Variants in CDH19 observed in about 807,000 individuals in gnomAD.
The protein encoded by CDH19 is cadherin 19.
Under a neutral mutation model 64.2 loss-of-function variants are expected in CDH19, and 67 were observed. The ratio of observed to expected loss-of-function variants is 1.04; its 90% confidence interval spans 0.86 to 1.28. CDH19 has a LOEUF of 1.28. CDH19 is among the 50% of genes most tolerant of loss of function. The pLI, the probability that CDH19 is intolerant of heterozygous loss-of-function variation, is 0.00. For synonymous variants in CDH19, 346 were observed against 319.3 expected (o/e 1.08, Z -0.89); for missense variants, 1,030 against 929.0 (o/e 1.11, Z -1.41).
rs1481699362 is a variant in CDH19, at chr18:66,502,696, G to C, written c.*2116C>G. On this transcript the variant is annotated 3_prime_UTR_variant, in exon 12 of 12. Coordinates refer to ENST00000262150, the MANE Select transcript of CDH19 (RefSeq NM_021153.4). ...AGAAATGTAAATGTTCTCTCGATTT[G>C]TGCATTTCTATTTGACTTGCAAATT... is the stretch of plus-strand genomic sequence containing the variant. 5 of 151,642 alleles carry C rather than the reference G, an allele frequency of 3.3e-5. No homozygotes were observed. The highest frequency in any genetic ancestry group is 1.5e-5 in the Non-Finnish European group (1 of 67,800). The allele number at this position is 151,642 out of a possible 1,614,324, so 9.4% of individuals were successfully genotyped here. A position where few individuals can be genotyped will look rare whatever the true frequency, so the allele number is the denominator to read the frequency against.
chr18:66,509,119 G>A lies in CDH19; in HGVS notation c.1704C>T (p.Ile568=), dbSNP rs751463316. 2 of 1,613,024 alleles carry A rather than the reference G, an allele frequency of 1.2e-6. No individual in the cohort carries two copies. The highest frequency in any genetic ancestry group is 1.7e-5 in the Admixed American group (1 of 59,862). The change falls in exon 11 of 12, where the codon ATC becomes ATT. Residue 568 remains isoleucine (I), a synonymous_variant. Coordinates refer to ENST00000262150, the MANE Select transcript of CDH19 (RefSeq NM_021153.4). ...CACTGTCACCACAGTCACAGACATG[G>A]ATGGTAAGGGTGTTTGTACTTGTAA... ...PSLTSTNTLT[I]HVCDCGDSGS...
chr18:66,591,434 G>A (rs939623899), intron 1 of CDH19, among the ~76,000 whole-genome samples: 1 of 151,838 alleles, frequency 6.6e-6, no homozygotes, highest in African/African-American at 2.4e-5. Flanking sequence ...AAGTCAGAAC[G>A]ATTGAAAACG....
chr18:66,596,447 A>G (rs1352289731), intron 1 of CDH19: 1 of 152,166 alleles, frequency 6.6e-6, no homozygotes, highest in Non-Finnish European at 1.5e-5. Flanking sequence ...TTAAAATTTC[A>G]ACAAAGTTTT....
Position 66,554,500 on chromosome 18 carries a change from G to A in CDH19, c.515C>T (p.Ala172Val). ...ACTTGAGGGATCGTCAGCATCACTT[G>A]CTGTCACCTGGATAACTAATGTTCC... ...PEGTLVIQVT[A>V]SDADDPSSGN... The change falls in exon 4 of 12, where the codon GCA becomes GTA. Residue 172 changes from alanine (A) to valine (V), a missense_variant. Transcript: ENST00000262150. 1 of 1,610,734 alleles carries A rather than the reference G, an allele frequency of 6.2e-7. No homozygotes were observed. The highest frequency in any genetic ancestry group is 2.2e-5 in the East Asian group (1 of 44,768).
At chr18:66,513,439 T>G (rs2144354776) in intron 9 of CDH19, among the ~76,000 whole-genome samples, 1 of 151,594 alleles carries the variant, frequency 6.6e-6, no homozygotes, top group South Asian at 2.1e-4. Flanking sequence ...TCATAATTAC[T>G]TTATAAAAAT....
rs111436529 is a variant in CDH19, at chr18:66,534,556, C to T, written c.1336+430G>A. On this transcript the variant is annotated intron_variant, in intron 8 of 11. Coordinates refer to ENST00000262150, the MANE Select transcript of CDH19 (RefSeq NM_021153.4). ...ATTGACTAAGTAATGGAAATGACTT[C>T]GATATTTTATATTGTGTTATATTTA... Among the ~76,000 whole-genome samples, 168 of 151,764 alleles carry T rather than the reference C, an allele frequency of 1.1e-3. 1 individual carries two copies. The highest frequency in any genetic ancestry group is 3.9e-3 in the African/African-American group (161 of 41,444).
chr18:66,554,390 T>G lies in CDH19; in HGVS notation c.610+15A>C. 6.2e-7 allele frequency: 1 copy of G among 1,609,824 alleles called. No homozygotes were observed. The highest frequency in any genetic ancestry group is 2.2e-5 in the East Asian group (1 of 44,748). On this transcript the variant is annotated intron_variant, in intron 4 of 11. Coordinates refer to ENST00000262150, the MANE Select transcript of CDH19 (RefSeq NM_021153.4). Reference sequence around the variant, plus strand: ...TAGAATCATGTTAAACTTTGCTTGTTTCATTCACAAATACCTGTTGTTGGT... The same window carrying G: ...TAGAATCATGTTAAACTTTGCTTGTGTCATTCACAAATACCTGTTGTTGGT...
intron 3 of CDH19, among the ~76,000 whole-genome samples, chr18:66,564,325 T>C (rs1362351956): frequency 6.6e-6 from 1 of 151,914 alleles, no homozygotes; most frequent in Non-Finnish European, 1.5e-5. Context: ...AAAATAAGCT[T>C]CCTTAAATAG....
chr18:66,543,968 T>A lies in CDH19; in HGVS notation c.1214+3A>T. ...TAATGCAAAACTGACCTTACAGACA[T>A]ACCTGATAGGAGATTTCCTATTGTC... On this transcript the variant is annotated splice_donor_region_variant and intron_variant, in intron 7 of 11. Transcript: ENST00000262150. The A allele has an allele frequency of 6.2e-7, 1 of 1,603,494 alleles. No homozygotes were observed. Among genetic ancestry groups the A allele is most frequent in the South Asian group, 1.1e-5 (1 of 90,180 alleles).
chr18:66,559,133 C>T (rs982095662), intron 3 of CDH19, among the ~76,000 whole-genome samples: 46 of 151,842 alleles, frequency 3.0e-4, no homozygotes, highest in Non-Finnish European at 6.6e-4. Context: ...TACATAAGGA[C>T]CATTGTTTAC....
chr18:66,536,026 C>T (rs1269465045), intron 7 of CDH19, among the ~76,000 whole-genome samples: 1 of 146,956 alleles, frequency 6.8e-6, no homozygotes, highest in African/African-American at 2.5e-5. Context: ...AAATTTCTCC[C>T]AAGGGAAAAA....
At chr18:66,556,932 T>C (rs1170445747) in intron 3 of CDH19, among the ~76,000 whole-genome samples, 1 of 151,810 alleles carries the variant, frequency 6.6e-6, no homozygotes, top group Non-Finnish European at 1.5e-5. Context: ...TTGGTGAGAG[T>C]ATAGAGAAAA....
intron 1 of CDH19, among the ~76,000 whole-genome samples, chr18:66,603,456 A>T (rs1395133506): frequency 6.6e-6 from 1 of 151,196 alleles, no homozygotes; most frequent in African/African-American, 2.4e-5. Flanking sequence ...TAATATTTTA[A>T]TTTTTTTGGA....
chr18:66,581,746 C>T (rs1599033557), intron 1 of CDH19, among the ~76,000 whole-genome samples: 2 of 152,082 alleles, frequency 1.3e-5, no homozygotes, highest in Non-Finnish European at 2.9e-5. Context: ...CTTTGGGACT[C>T]GGATTGAGCG....
intron 1 of CDH19, among the ~76,000 whole-genome samples, chr18:66,597,097 A>AAAG (rs1988915681): frequency 6.8e-6 from 1 of 147,562 alleles, no homozygotes; most frequent in Non-Finnish European, 1.5e-5. Context: ...AAAAAAAAAA[A>AAAG]AAAAATCATA....
chr18:66,527,616 G>T (rs959379119), intron 9 of CDH19, among the ~76,000 whole-genome samples: 1 of 152,022 alleles, frequency 6.6e-6, no homozygotes, highest in Non-Finnish European at 1.5e-5. Context: ...CGGGTGTGGT[G>T]GCGTGCGCCT....
chr18:66,514,880 T>A (rs1396359515), intron 9 of CDH19, among the ~76,000 whole-genome samples: 1 of 151,634 alleles, frequency 6.6e-6, no homozygotes, highest in Non-Finnish European at 1.5e-5. Flanking sequence ...ACAGCTAATT[T>A]AAGATGCAAC....
In CDH19 at chr18:66,530,915, T is replaced by C. The variant is rs538681416; in HGVS notation, c.1337-949A>G. Among the ~76,000 whole-genome samples, 51 of 152,156 alleles carry C rather than the reference T, an allele frequency of 3.4e-4. 1 individual carries two copies. The South Asian group carries it at 5.8e-3, about 17-fold the overall frequency. ...CATTGTCAATGTGCCCTGGTTGAAATTGGGGGCAGAAGTGTGGAGCCAAAT... is the reference window on the plus strand; with the variant it reads ...CATTGTCAATGTGCCCTGGTTGAAACTGGGGGCAGAAGTGTGGAGCCAAAT... On this transcript the variant is annotated intron_variant, in intron 8 of 11. Transcript: ENST00000262150.
At chr18:66,571,906 G>A in intron 2 of CDH19, 104 bp downstream of exon 2, 1 of 756,512 alleles carries the variant, frequency 1.3e-6, no homozygotes, top group Non-Finnish European at 2.1e-6. Context: ...GCTTTTCAAT[G>A]GCTTCACTGT....
Sources: allele counts gnomAD v4.1 joint callset (sites outside exome capture counted in the v4.1 genomes callset), GRCh38; gene constraint gnomAD v4.1.1; transcripts MANE v1.5; gene names NCBI Gene and HGNC (gene_info 2026-07-23, HGNC 2026-07-21).